The following JPH3 variants were observed in gnomAD, a reference collection of about 807,000 sequenced individuals.
The protein encoded by JPH3 is junctophilin-3.
A neutral mutation model predicts 59.6 loss-of-function variants in JPH3; 11 were observed. That is an observed-to-expected ratio of 0.18 (90% confidence interval 0.12 to 0.31). JPH3 has a LOEUF of 0.31. JPH3 is among the 10% of genes least tolerant of loss of function. The pLI is 1.00. For missense variants in JPH3, 1,202 were observed against 1,105.7 expected, an observed-to-expected ratio of 1.09 and a Z score of -1.24; for synonymous variants, 673 against 483.6, an observed-to-expected ratio of 1.39 and a Z score of -5.14.
At chr16:87,671,446 C>G (rs934553869) in intron 2 of JPH3, among the ~76,000 whole-genome samples, 1 of 152,222 alleles carries the variant, frequency 6.6e-6, no homozygotes, top group Admixed American at 6.5e-5. Flanking sequence ...GGGCCACTCA[C>G]CAGCGCCACC....
intron 4 of JPH3, chr16:87,695,740 T>G (rs1178114232): frequency 2.2e-6 from 1 of 455,876 alleles, no homozygotes; most frequent in Non-Finnish European, 4.4e-6. Flanking sequence ...CCCTGCCTGG[T>G]GTGAGCAGAA....
At position 87,635,956 on chromosome 16, in the gene JPH3, C is replaced by T. The variant is rs79458371; in HGVS notation, c.383-8302C>T. Among the ~76,000 whole-genome samples the T allele has an allele frequency of 7.2e-3, 1,090 of 152,326 alleles. 15 individuals carry two copies. Among genetic ancestry groups the T allele is most frequent in the African/African-American group, 0.025 (1,024 of 41,578 alleles). On this transcript the variant is annotated intron_variant, in intron 1 of 4. Transcript: ENST00000284262. ...ACCCACCTTCCTCTGGGGTGTCTTC[C>T]GGGGCCCCAGGGCCAGGGCAACTGG...
In JPH3 at chr16:87,690,123, A is replaced by G; in HGVS notation, c.1763A>G (p.His588Arg). 1.3e-6 allele frequency: 2 copies of G among 1,586,492 alleles called. No homozygotes were observed. Among genetic ancestry groups the G allele is most frequent in the East Asian group, 2.3e-5 (1 of 42,808 alleles). Residue 588 changes from histidine to arginine, a missense_variant, in exon 4 of 5, where the codon CAC (histidine) becomes CGC (arginine). By Grantham distance (29) the His-to-Arg change is conservative. Coordinates refer to ENST00000284262, the MANE Select transcript of JPH3 (RefSeq NM_020655.4). ...SPPVFTWTSH[H>R]RASNHSPGGS... ...CCCGTGTTCACGTGGACTTCCCACC[A>G]CCGGGCCAGCAACCACAGCCCCGGA...
chr16:87,663,871 C>T lies in JPH3; in HGVS notation c.1160+18836C>T, dbSNP rs138202739. Among the ~76,000 whole-genome samples the T allele has an allele frequency of 4.0e-5, 6 of 150,100 alleles. No individual in the cohort carries two copies. In the East Asian group the frequency reaches 1.2e-3, roughly 29 times the overall value. ...TTCTGTCTGTTTTGAGTGCCCTTTC[C>T]CTAACCCCATTCCCCAACAAGCCCT... On this transcript the variant is annotated intron_variant, in intron 2 of 4. Coordinates refer to ENST00000284262, the MANE Select transcript of JPH3 (RefSeq NM_020655.4).
intron 2 of JPH3, among the ~76,000 whole-genome samples, chr16:87,645,692 CT>C (rs1431797367): frequency 6.6e-6 from 1 of 152,114 alleles, no homozygotes. Flanking sequence ...ATCGACGTGG[CT>C]TTTGGGTACC....
chr16:87,659,202 C>T (rs569391832), intron 2 of JPH3, among the ~76,000 whole-genome samples: 1 of 151,788 alleles, frequency 6.6e-6, no homozygotes, highest in African/African-American at 2.4e-5. Context: ...GGCAAGATCC[C>T]CTCTCTACTG....
chr16:87,681,788 G>A (rs1273565498), intron 2 of JPH3, among the ~76,000 whole-genome samples: 4 of 152,156 alleles, frequency 2.6e-5, no homozygotes, highest in South Asian at 2.1e-4. Context: ...CTTGGCTTCC[G>A]GGGAGCTTGG....
intron 1 of JPH3, among the ~76,000 whole-genome samples, chr16:87,612,951 G>C (rs1004971979): frequency 4.0e-5 from 6 of 151,810 alleles, no homozygotes; most frequent in Non-Finnish European, 8.8e-5. Flanking sequence ...GCATGAACCT[G>C]GGAGGCGGAG....
intron 2 of JPH3, among the ~76,000 whole-genome samples, chr16:87,647,716 G>A (rs1249110360): frequency 6.6e-6 from 1 of 152,180 alleles, no homozygotes. Context: ...ACCACTCACG[G>A]CCTCCTCACC....
intron 2 of JPH3, among the ~76,000 whole-genome samples, chr16:87,662,128 C>T (rs1034798002): frequency 2.6e-5 from 4 of 152,340 alleles, no homozygotes; most frequent in South Asian, 2.1e-4. Context: ...AAGAGGGATC[C>T]GTAGGCCTCC....
At chr16:87,624,596 G>A (rs76295001) in intron 1 of JPH3, among the ~76,000 whole-genome samples, 2,148 of 152,348 alleles carry the variant, frequency 0.014, 28 homozygotes, top group African/African-American at 0.032. Flanking sequence ...AGCTGGCAGA[G>A]GTTTGGGCTG....
chr16:87,628,688 G>A (rs1394559714), intron 1 of JPH3, among the ~76,000 whole-genome samples: 2 of 152,160 alleles, frequency 1.3e-5, no homozygotes, highest in Non-Finnish European at 1.5e-5. Context: ...TGCGAGAATC[G>A]ATTCAGTGGC....
chr16:87,684,589 CCA>C (rs1184748917), intron 3 of JPH3: 1 of 346,504 alleles, frequency 2.9e-6, no homozygotes, highest in African/African-American at 2.1e-5. Context: ...CCGCCCTCCC[CCA>C]GTGTTGTTCT....
intron 2 of JPH3, among the ~76,000 whole-genome samples, chr16:87,666,553 T>C (rs1274413794): frequency 1.3e-5 from 2 of 152,008 alleles, no homozygotes; most frequent in African/African-American, 4.8e-5. Flanking sequence ...CACCATGCCT[T>C]ACTAATTTTC....
At chr16:87,626,119 G>A (rs1355747148) in intron 1 of JPH3, among the ~76,000 whole-genome samples, 3 of 152,166 alleles carry the variant, frequency 2.0e-5, no homozygotes, top group Non-Finnish European at 4.4e-5. Context: ...GAGCCTCCTT[G>A]GGGGTGCCAA....
At chr16:87,652,176 C>T (rs1597263589) in intron 2 of JPH3, among the ~76,000 whole-genome samples, 5 of 152,056 alleles carry the variant, frequency 3.3e-5, no homozygotes, top group Admixed American at 1.3e-4. Context: ...GGGGTTTCAC[C>T]GTATTAGCTA....
At chr16:87,659,194 C>A (rs1295641587) in intron 2 of JPH3, among the ~76,000 whole-genome samples, 1 of 151,504 alleles carries the variant, frequency 6.6e-6, no homozygotes, top group African/African-American at 2.4e-5. Flanking sequence ...GCCAACATGG[C>A]AAGATCCCCT....
intron 1 of JPH3, among the ~76,000 whole-genome samples, chr16:87,616,947 G>T (rs1313607835): frequency 6.6e-6 from 1 of 152,230 alleles, no homozygotes; most frequent in Non-Finnish European, 1.5e-5. Context: ...GTTCCAGGCT[G>T]GGCTCCGTGG....
In JPH3 at chr16:87,611,260, G is replaced by A. The variant is rs2030722845; in HGVS notation, c.382+7732G>A. ...TCATGCCACAGTGGGGGTCCTGAAT[G>A]GGAGCACCACAGGGCAGGGACCTGA... On this transcript the variant is annotated intron_variant, in intron 1 of 4. Coordinates refer to ENST00000284262, the MANE Select transcript of JPH3 (RefSeq NM_020655.4). This position sits in a 1 kb window ranked among gnomAD's most constrained non-coding sequence, Gnocchi z 4.5. Among the ~76,000 whole-genome samples the A allele has an allele frequency of 6.6e-6, 1 of 152,196 alleles. No individual in the cohort carries two copies. Among genetic ancestry groups the A allele is most frequent in the African/African-American group, 2.4e-5 (1 of 41,448 alleles).
Sources: gnomAD v4.1 joint callset for allele counts (sites outside exome capture counted in the v4.1 genomes callset) on GRCh38, gnomAD v4.1.1 for gene constraint, Gnocchi (gnomAD v3.1) non-coding constraint, MANE v1.5 for transcripts, NCBI Gene and HGNC (gene_info 2026-07-23, HGNC 2026-07-21) for gene names.